SSBP4: variants seen among roughly 807,000 people sequenced by gnomAD.
The protein encoded by SSBP4 is single-stranded DNA-binding protein 4.
A neutral mutation model predicts 64.6 loss-of-function variants in SSBP4; 33 were observed. The ratio of observed to expected loss-of-function variants is 0.51; its 90% confidence interval spans 0.39 to 0.68. The LOEUF is 0.68. SSBP4 is among the 30% of genes least tolerant of loss of function. SSBP4 has a pLI of 0.00. For missense variants in SSBP4, 583 were observed against 566.8 expected (o/e 1.03, Z -0.29); for synonymous variants, 243 against 224.0 (o/e 1.08, Z -0.76).
upstream of SSBP4, among the ~76,000 whole-genome samples, chr19:18,414,933 C>T (rs571333450): frequency 1.2e-4 from 19 of 152,276 alleles, no homozygotes; most frequent in Admixed American, 2.0e-4. Context: ...CGCCTCCAGG[C>T]AACTAGTCTT....
upstream of SSBP4, among the ~76,000 whole-genome samples, chr19:18,417,958 CCAGA>C (rs1972191698): frequency 6.6e-6 from 1 of 152,168 alleles, no homozygotes; most frequent in Admixed American, 6.5e-5. The surrounding 1 kb of genome is among the most constrained non-coding windows in gnomAD (Gnocchi z 5.4). Context: ...CGAGAGACAT[CCAGA>C]CATTCACACA....
chr19:18,433,293 C>A, intron 15 of SSBP4, 80 bp downstream of exon 15: 1 of 1,496,256 alleles, frequency 6.7e-7, no homozygotes, highest in East Asian at 2.5e-5. Context: ...GCCGTCAGCC[C>A]GCCTGCCGGG....
the SSBP4 span, among the ~76,000 whole-genome samples, chr19:18,409,962 G>C: frequency 6.6e-6 from 1 of 152,158 alleles, no homozygotes; most frequent in East Asian, 1.9e-4. Context: ...CGCCTGAGTA[G>C]CTGGAAATAC....
chr19:18,416,217 G>A (rs1211698306), upstream of SSBP4, among the ~76,000 whole-genome samples: 1 of 152,108 alleles, frequency 6.6e-6, no homozygotes, highest in Non-Finnish European at 1.5e-5. Context: ...GTTTCACCAT[G>A]TTGTTTAGGC....
the SSBP4 span, among the ~76,000 whole-genome samples, chr19:18,407,139 G>C: frequency 6.6e-6 from 1 of 152,112 alleles, no homozygotes; most frequent in Admixed American, 6.6e-5. Flanking sequence ...CCGGGTTCAA[G>C]CGATTCTCAT....
At chr19:18,417,218 TCCC>T (rs1262602570), upstream of SSBP4, among the ~76,000 whole-genome samples, 3 of 152,100 alleles carry the variant, frequency 2.0e-5, no homozygotes, top group African/African-American at 7.2e-5. The surrounding 1 kb of genome is among the most constrained non-coding windows in gnomAD (Gnocchi z 5.4). Context: ...ACTGTCCGCC[TCCC>T]CCATCAGATT....
In SSBP4 at chr19:18,427,163, C is replaced by T. The variant is rs547308576; in HGVS notation, c.60-188C>T. ...GAGCGTGGAACACAGCCGAATTCGG[C>T]CCGGAATTGGGGGTCACGGATGCCT... On this transcript the variant is annotated intron_variant, in intron 1 of 17. Coordinates refer to ENST00000270061, the MANE Select transcript of SSBP4 (RefSeq NM_032627.5). This position sits in a 1 kb window ranked among gnomAD's most constrained non-coding sequence, Gnocchi z 4.4. Among the ~76,000 whole-genome samples, 1 of 152,162 alleles carries T rather than the reference C, an allele frequency of 6.6e-6. No individual in the cohort carries two copies. The highest frequency in any genetic ancestry group is 1.5e-5 in the Non-Finnish European group (1 of 68,010).
upstream of SSBP4, among the ~76,000 whole-genome samples, chr19:18,416,630 C>G (rs935298530): frequency 1.3e-5 from 2 of 152,248 alleles, no homozygotes; most frequent in Admixed American, 1.3e-4. Context: ...CATCATCCCC[C>G]TCTTCTTCAC....
chr19:18,413,922 C>T (rs901597301), upstream of SSBP4, among the ~76,000 whole-genome samples: 1 of 152,150 alleles, frequency 6.6e-6, no homozygotes, highest in Non-Finnish European at 1.5e-5. Context: ...GAAGCTGAGG[C>T]AGGAGAATTG....
At chr19:18,410,785 T>C in the SSBP4 span, among the ~76,000 whole-genome samples, 1 of 152,046 alleles carries the variant, frequency 6.6e-6, no homozygotes, top group East Asian at 1.9e-4. Flanking sequence ...TCTGCTGCCC[T>C]CAAGTGGTTA....
chr19:18,419,860 C>G (rs1253285958), intron 1 of SSBP4, among the ~76,000 whole-genome samples, 153 bp downstream of exon 1: 1 of 109,876 alleles, frequency 9.1e-6, no homozygotes, highest in East Asian at 2.6e-4. Flanking sequence ...GGCGCGCGAC[C>G]CCCGAGGGGC....
Position 18,432,044 on chromosome 19 carries a change from C to G in SSBP4, c.610C>G (p.Arg204Gly), listed in dbSNP as rs530489956. 3.2e-6 allele frequency: 5 copies of G among 1,585,386 alleles called. No individual in the cohort carries two copies. The South Asian group carries it at 3.4e-5, about 11-fold the overall frequency. ...GGPMQRVTPP[R>G]GMASVGPQSY... ...CCCAATGCAGAGGGTGACGCCTCCT[C>G]GTGGCATGGCCAGCGTGGGGCCCCA... The change falls in exon 9 of 18, where the codon CGT (arginine) becomes GGT (glycine). Residue 204 changes from arginine to glycine, a missense_variant. Around this residue, in one of 5 missense-constraint regions of SSBP4, gnomAD observed 444 missense variants for 386.6 expected, o/e 1.15. Coordinates refer to ENST00000270061, the MANE Select transcript of SSBP4 (RefSeq NM_032627.5).
intron 1 of SSBP4, among the ~76,000 whole-genome samples, chr19:18,425,288 C>T (rs961933286): frequency 2.0e-5 from 3 of 152,130 alleles, no homozygotes; most frequent in East Asian, 1.9e-4. Context: ...CAGGACCTCC[C>T]GCTGCCCCCG....
chr19:18,404,504 G>A, the SSBP4 span, among the ~76,000 whole-genome samples: 1 of 150,172 alleles, frequency 6.7e-6, no homozygotes, highest in Non-Finnish European at 1.5e-5. Flanking sequence ...TGAGGCAGGA[G>A]AATCACTTGA....
rs1383055588 is a variant in SSBP4 at position 18,427,851 on chromosome 19, G to C, written c.194+38G>C. ...CTGCTGTGGGTGGGCTGTGGAAGGG[G>C]GTTGAGGGAGGCACGTGGAGCAACC... On this transcript the variant is annotated intron_variant, in intron 3 of 17. Transcript: ENST00000270061. This position sits in a 1 kb window ranked among gnomAD's most constrained non-coding sequence, Gnocchi z 4.4. 3 of 1,613,736 alleles carry C rather than the reference G, an allele frequency of 1.9e-6. No individual in the cohort carries two copies. The African/African-American group carries it at 4.0e-5, about 22-fold the overall frequency.
the SSBP4 span, among the ~76,000 whole-genome samples, chr19:18,407,524 C>T: frequency 3.9e-5 from 6 of 152,194 alleles, no homozygotes; most frequent in Middle Eastern, 3.4e-3. Flanking sequence ...TCACGCCATT[C>T]TCCTGCCTCA....
rs1455915664 is a variant in SSBP4, at chr19:18,419,635, C to T, written c.-14C>T. 2 of 1,262,454 alleles carry T rather than the reference C, an allele frequency of 1.6e-6. No homozygotes were observed. The highest frequency in any genetic ancestry group is 2.1e-5 in the South Asian group (1 of 48,180). 78.2% of individuals were successfully genotyped at this position (1,262,454 alleles called of 1,614,324 possible). A position where few individuals can be genotyped will look rare whatever the true frequency, so the allele number is the denominator to read the frequency against. Reference sequence around the variant, plus strand: ...TGACAGGTGTGGGCCCCGGCGGCGGCGGCGTGGAGCAGCATGTACGCCAAG... The same window carrying T: ...TGACAGGTGTGGGCCCCGGCGGCGGTGGCGTGGAGCAGCATGTACGCCAAG... On this transcript the variant is annotated 5_prime_UTR_variant, in exon 1 of 18. Transcript: ENST00000270061.
At chr19:18,430,995 G>A (rs1973318455) in intron 5 of SSBP4, 65 bp downstream of exon 5, 1 of 1,562,018 alleles carries the variant, frequency 6.4e-7, no homozygotes, top group South Asian at 1.1e-5. Context: ...AGGGTGGGGG[G>A]GGTCCCACGT....
At chr19:18,415,128 T>C (rs1290209143), upstream of SSBP4, among the ~76,000 whole-genome samples, 1 of 147,926 alleles carries the variant, frequency 6.8e-6, no homozygotes, top group African/African-American at 2.5e-5. Context: ...CCTGGTGTTG[T>C]TTGGGTTTTA....
Sources: gnomAD v4.1 joint callset for allele counts (sites outside exome capture counted in the v4.1 genomes callset) on GRCh38, gnomAD v4.1.1 for gene constraint, gnomAD v4.1.1 regional missense constraint, Gnocchi (gnomAD v3.1) non-coding constraint, MANE v1.5 for transcripts, NCBI Gene and HGNC (gene_info 2026-07-23, HGNC 2026-07-21) for gene names.